Variants in ZNF777 observed in about 807,000 individuals in gnomAD.
ZNF777 encodes zinc finger protein 777.
Under a neutral mutation model 72.1 loss-of-function variants are expected in ZNF777, and 7 were observed. That is an observed-to-expected ratio of 0.10 (90% CI 0.06 to 0.18). The LOEUF (loss-of-function observed/expected upper bound fraction) is 0.18. Ranked by LOEUF, ZNF777 falls within the 10% of genes least tolerant of loss-of-function variation. The probability of loss-of-function intolerance (pLI) is 1.00; values close to 1 mark genes in which losing one functional copy is unlikely to be tolerated. For missense variants in ZNF777, 828 were observed against 1,128.6 expected (o/e 0.73, Z 3.82); for synonymous variants, 545 against 483.5 (o/e 1.13, Z -1.67).
At chr7:149,446,581 G>T (rs1009799066) in intron 4 of ZNF777, among the ~76,000 whole-genome samples, 2 of 151,568 alleles carry the variant, frequency 1.3e-5, no homozygotes, top group Non-Finnish European at 2.9e-5. Flanking sequence ...ATCTACTTTT[G>T]CTTACATCAC....
chr7:149,449,218 C>T (rs1162561963), intron 4 of ZNF777, among the ~76,000 whole-genome samples: 1 of 152,182 alleles, frequency 6.6e-6, no homozygotes, highest in Non-Finnish European at 1.5e-5. Flanking sequence ...CCTATGTCCT[C>T]CCCTTTCCTC....
At chr7:149,446,942 G>A (rs967795548) in intron 4 of ZNF777, among the ~76,000 whole-genome samples, 2 of 152,006 alleles carry the variant, frequency 1.3e-5, no homozygotes, top group African/African-American at 4.8e-5. Flanking sequence ...AGCAGAATAC[G>A]ACACGGTTGG....
In ZNF777 at chr7:149,432,784, G is replaced by A. The variant is rs1563232734; in HGVS notation, c.1488C>T (p.Ser496=). ...GCGGGGGGCTCTCCTCGCCCTCGGG[G>A]GACATCTCCCCGGGCAGCGGGGTCT... ...MYQTPLPGEM[S]PEGEESPPPL... is the part of the protein sequence containing the mutation. The change falls in exon 6 of 6, where the codon TCC becomes TCT. Residue 496 remains serine, a synonymous_variant. Transcript: ENST00000247930. 1 of 1,609,026 alleles carries A rather than the reference G, an allele frequency of 6.2e-7. No homozygotes were observed. Among genetic ancestry groups the A allele is most frequent in the Non-Finnish European group, 8.5e-7 (1 of 1,176,378 alleles).
At chr7:149,457,263 T>C (rs144123572) in intron 1 of ZNF777, among the ~76,000 whole-genome samples, 3 of 152,352 alleles carry the variant, frequency 2.0e-5, no homozygotes, top group Middle Eastern at 3.4e-3. Flanking sequence ...TGTATTTACC[T>C]AGATCATCAG....
At position 149,436,725 on chromosome 7, in the gene ZNF777, C is replaced by T. The variant is rs367946160; in HGVS notation, c.1189G>A (p.Gly397Ser). ...TCACCCAGCTCTGAGTCCTGGAAGC[C>T]GTGCTCTTCCACCTGTCCCATCAGG... ...EPLMGQVEEH[G>S]FQDSELGDPC... The change falls in exon 5 of 6, where the codon GGC becomes AGC. Residue 397 changes from glycine to serine, a missense_variant. By Grantham distance (56) the Gly-to-Ser change is moderately conservative. Around this residue, in one of 12 missense-constraint regions of ZNF777, gnomAD observed 219 missense variants for 223.0 expected, o/e 0.98. Transcript: ENST00000247930. This position sits in a 1 kb window ranked among gnomAD's most constrained non-coding sequence, Gnocchi z 5.0. 53 of 1,614,032 alleles carry T rather than the reference C, an allele frequency of 3.3e-5. No individual in the cohort carries two copies. Among genetic ancestry groups the T allele is most frequent in the African/African-American group, 1.1e-4 (8 of 74,922 alleles).
At chr7:149,437,945 T>A (rs1439270540) in intron 4 of ZNF777, among the ~76,000 whole-genome samples, 1 of 151,484 alleles carries the variant, frequency 6.6e-6, no homozygotes, top group African/African-American at 2.4e-5. Flanking sequence ...AATGGTGTGG[T>A]CTCGGTTCAC....
chr7:149,438,046 AT>A (rs1052761353), intron 4 of ZNF777, among the ~76,000 whole-genome samples: 1 of 150,100 alleles, frequency 6.7e-6, no homozygotes, highest in African/African-American at 2.5e-5. Flanking sequence ...CACCCGGCTA[AT>A]TTTTTGTATT....
At chr7:149,441,565 T>C (rs1488092075) in intron 4 of ZNF777, among the ~76,000 whole-genome samples, 3 of 152,216 alleles carry the variant, frequency 2.0e-5, no homozygotes, top group Non-Finnish European at 2.9e-5. Flanking sequence ...AGGATTCTTG[T>C]AGCTTGCTGT....
Position 149,431,415 on chromosome 7 carries a change from G to A in ZNF777, c.*361C>T. 1 of 416,852 alleles carries A rather than the reference G, an allele frequency of 2.4e-6. No homozygotes were observed. Among genetic ancestry groups the A allele is most frequent in the Non-Finnish European group, 4.7e-6 (1 of 213,184 alleles). 25.8% of individuals were successfully genotyped at this position (416,852 alleles called of 1,614,324 possible). On this transcript the variant is annotated 3_prime_UTR_variant, in exon 6 of 6. Transcript: ENST00000247930. ...CAAATAGAACCACAGTATCCAAAAG[G>A]TAATTATAAAGTTCTATCCCCAACT... is the stretch of plus-strand genomic sequence containing the variant.
intron 1 of ZNF777, among the ~76,000 whole-genome samples, chr7:149,456,549 G>C (rs1198564315): frequency 6.6e-6 from 1 of 152,162 alleles, no homozygotes; most frequent in Non-Finnish European, 1.5e-5. Context: ...TAAAAGCCAA[G>C]CACTTACTAT....
chr7:149,453,006 A>T (rs1174397646), intron 3 of ZNF777, among the ~76,000 whole-genome samples: 1 of 152,232 alleles, frequency 6.6e-6, no homozygotes, highest in Non-Finnish European at 1.5e-5. Flanking sequence ...TGTCTTTCCA[A>T]GGAGTCCTAC....
chr7:149,454,611 C>T (rs919240544), intron 2 of ZNF777, among the ~76,000 whole-genome samples: 54 of 152,296 alleles, frequency 3.5e-4, no homozygotes, highest in African/African-American at 1.1e-3. Context: ...TTTCTCCCTA[C>T]ATATGGCTGT....
chr7:149,457,297 AT>A (rs1799852045), intron 1 of ZNF777, among the ~76,000 whole-genome samples: 1 of 152,194 alleles, frequency 6.6e-6, no homozygotes, highest in East Asian at 1.9e-4. Context: ...ACCTAACACA[AT>A]TTCTCCTGTA....
intron 3 of ZNF777, among the ~76,000 whole-genome samples, chr7:149,453,202 C>G (rs1408306272): frequency 6.6e-6 from 1 of 152,004 alleles, no homozygotes; most frequent in Non-Finnish European, 1.5e-5. Context: ...GGGAGTGGTA[C>G]TGGTGAATGG....
chr7:149,452,632 CAA>C (rs869183800), intron 3 of ZNF777, among the ~76,000 whole-genome samples: 6,962 of 72,920 alleles, frequency 0.095, 543 homozygotes, highest in African/African-American at 0.25. Flanking sequence ...GACTCTGTCT[CAA>C]AAAAAAAAAA....
intron 4 of ZNF777, among the ~76,000 whole-genome samples, chr7:149,443,295 G>A (rs1389167944): frequency 2.0e-5 from 3 of 152,056 alleles, no homozygotes; most frequent in East Asian, 1.9e-4. Context: ...CTTCTATATT[G>A]TCTGATTTTT....
At chr7:149,433,027 A>G in intron 5 of ZNF777, 95 bp from the exon 6 acceptor site, 1 of 1,411,960 alleles carries the variant, frequency 7.1e-7, no homozygotes, top group Non-Finnish European at 9.2e-7. Flanking sequence ...CCTCACCAAA[A>G]CATTGCATTA....
chr7:149,455,748 G>A lies in ZNF777; in HGVS notation c.275C>T (p.Ser92Phe), dbSNP rs1484178487. ...CTGGGAAGCCAGGGGGCCCTGGAGA[G>A]AAGTCTCTTGCTCAGAAGCGGCAGA... ...LCSAASEQET[S>F]LQGPLASQEG... is the part of the protein sequence containing the mutation. The change falls in exon 2 of 6, where the codon TCT becomes TTT. Residue 92 changes from serine (S) to phenylalanine (F), a missense_variant. Around this residue, in one of 12 missense-constraint regions of ZNF777, gnomAD observed 222 missense variants for 211.2 expected, o/e 1.05. Coordinates refer to ENST00000247930, the MANE Select transcript of ZNF777 (RefSeq NM_015694.3). The surrounding 1 kb of genome is among the most constrained non-coding windows in gnomAD (Gnocchi z 4.2). The A allele has an allele frequency of 1.3e-6, 2 of 1,591,764 alleles. No homozygotes were observed. The highest frequency in any genetic ancestry group is 2.7e-5 in the African/African-American group (2 of 74,078).
chr7:149,440,418 G>A (rs142805729), intron 4 of ZNF777, among the ~76,000 whole-genome samples: 5,598 of 152,116 alleles, frequency 0.037, 249 homozygotes, highest in African/African-American at 0.098. Flanking sequence ...GGAGTACAGT[G>A]GTGAGATCAT....
Sources: allele counts gnomAD v4.1 joint callset (sites outside exome capture counted in the v4.1 genomes callset), GRCh38; gene constraint gnomAD v4.1.1; regional missense constraint gnomAD v4.1.1; non-coding constraint Gnocchi (gnomAD v3.1); transcripts MANE v1.5; gene names NCBI Gene and HGNC (gene_info 2026-07-23, HGNC 2026-07-21).